The following RNF150 variants were observed in gnomAD, a reference collection of about 807,000 sequenced individuals.
The protein encoded by RNF150 is ring finger protein 150.
Under a neutral mutation model 39.3 loss-of-function variants are expected in RNF150, and 24 were observed. That is an observed-to-expected ratio of 0.61 (90% CI 0.44 to 0.86). The LOEUF (loss-of-function observed/expected upper bound fraction) is 0.86, where lower values mean the gene tolerates loss of function less well. Among genes scored for constraint, RNF150 ranks in the 40% least tolerant of loss-of-function variants. The pLI is 0.00. For synonymous variants in RNF150, 255 were observed against 227.3 expected (o/e 1.12, Z -1.10); for missense variants, 502 against 587.8 (o/e 0.85, Z 1.51).
intron 5 of RNF150, among the ~76,000 whole-genome samples, chr4:140,913,463 C>A (rs190862708): frequency 6.6e-5 from 10 of 152,256 alleles, no homozygotes; most frequent in African/African-American, 2.2e-4. Flanking sequence ...TATATTGTCC[C>A]TGTGCTCAGG....
chr4:140,989,873 A>G (rs868553283), intron 1 of RNF150, among the ~76,000 whole-genome samples: 1 of 152,208 alleles, frequency 6.6e-6, no homozygotes, highest in African/African-American at 2.4e-5. Flanking sequence ...CACAGCAGTT[A>G]CTGAACAGAT....
chr4:141,210,354 T>C (rs1728442268), intron 1 of RNF150, among the ~76,000 whole-genome samples: 1 of 152,204 alleles, frequency 6.6e-6, no homozygotes, highest in African/African-American at 2.4e-5. Context: ...CCTGAACCAC[T>C]GATTAAGCTC....
chr4:141,079,732 T>C (rs769929377), intron 1 of RNF150, among the ~76,000 whole-genome samples: 40 of 152,152 alleles, frequency 2.6e-4, no homozygotes, highest in Non-Finnish European at 4.9e-4. Context: ...ATCTGAAAAA[T>C]GGGGCTAGTA....
chr4:141,056,212 A>G (rs1736964418), intron 1 of RNF150, among the ~76,000 whole-genome samples: 1 of 152,094 alleles, frequency 6.6e-6, no homozygotes, highest in Admixed American at 6.6e-5. Flanking sequence ...TGCATATTAC[A>G]TTTTCTATAA....
At chr4:141,174,147 T>C (rs1483573234) in intron 1 of RNF150, among the ~76,000 whole-genome samples, 3 of 152,358 alleles carry the variant, frequency 2.0e-5, no homozygotes, top group African/African-American at 7.2e-5. Context: ...CATTTCCTGC[T>C]TTCCCTAACA....
At chr4:141,180,433 A>G (rs1727888103) in intron 1 of RNF150, among the ~76,000 whole-genome samples, 1 of 152,142 alleles carries the variant, frequency 6.6e-6, no homozygotes, top group Admixed American at 6.5e-5. Context: ...GAATAATAAT[A>G]AGTAATAGGT....
chr4:140,918,257 G>C (rs1321028605), intron 5 of RNF150, among the ~76,000 whole-genome samples: 1 of 152,086 alleles, frequency 6.6e-6, no homozygotes, highest in African/African-American at 2.4e-5. Context: ...CCAGGAGCTG[G>C]TTTCTTGAAA....
At chr4:140,982,009 A>G (rs1476847032) in intron 1 of RNF150, among the ~76,000 whole-genome samples, 1 of 152,138 alleles carries the variant, frequency 6.6e-6, no homozygotes, top group Non-Finnish European at 1.5e-5. Flanking sequence ...TCACCATGTT[A>G]TCTATAGGCA....
intron 1 of RNF150, among the ~76,000 whole-genome samples, chr4:141,209,067 T>C (rs1728420464): frequency 6.6e-6 from 1 of 152,032 alleles, no homozygotes; most frequent in Admixed American, 6.5e-5. Context: ...CTTACCTCAA[T>C]CCTCAAGGTT....
chr4:141,001,110 T>A (rs1734653072), intron 1 of RNF150, among the ~76,000 whole-genome samples: 1 of 152,202 alleles, frequency 6.6e-6, no homozygotes, highest in Non-Finnish European at 1.5e-5. Context: ...ATTTCCCATA[T>A]CTGTACTTGA....
At chr4:140,909,276 C>G (rs1730504665) in intron 6 of RNF150, among the ~76,000 whole-genome samples, 1 of 152,124 alleles carries the variant, frequency 6.6e-6, no homozygotes, top group African/African-American at 2.4e-5. Flanking sequence ...GATCTATGCA[C>G]TCCAATATGG....
chr4:141,114,567 G>A (rs564799744), intron 1 of RNF150, among the ~76,000 whole-genome samples: 7 of 152,182 alleles, frequency 4.6e-5, no homozygotes, highest in African/African-American at 1.4e-4. Context: ...CAAATTCACA[G>A]CCGAATTCTA....
At chr4:141,034,716 G>A (rs1048115986) in intron 1 of RNF150, among the ~76,000 whole-genome samples, 7 of 152,110 alleles carry the variant, frequency 4.6e-5, no homozygotes, top group African/African-American at 1.2e-4. Context: ...CAGGCAGGCC[G>A]AAGGAGAGGG....
intron 1 of RNF150, among the ~76,000 whole-genome samples, chr4:140,982,010 T>C (rs962141388): frequency 6.6e-6 from 1 of 152,188 alleles, no homozygotes; most frequent in Non-Finnish European, 1.5e-5. Context: ...CACCATGTTA[T>C]CTATAGGCAC....
intron 1 of RNF150, chr4:141,053,691 T>G: frequency 1.4e-6 from 2 of 1,408,636 alleles, no homozygotes; most frequent in African/African-American, 2.9e-5. Flanking sequence ...ATGGGCATGG[T>G]GAAATCAGCT....
intron 1 of RNF150, among the ~76,000 whole-genome samples, chr4:141,154,829 G>C (rs925875867): frequency 6.6e-6 from 1 of 152,176 alleles, no homozygotes; most frequent in African/African-American, 2.4e-5. Flanking sequence ...AACAACCTAT[G>C]TTTCAGATGC....
intron 1 of RNF150, among the ~76,000 whole-genome samples, chr4:141,056,100 G>A (rs1468109317): frequency 6.6e-6 from 1 of 152,122 alleles, no homozygotes; most frequent in African/African-American, 2.4e-5. Context: ...ATATTTTAAA[G>A]GCAGTTTATT....
intron 1 of RNF150, among the ~76,000 whole-genome samples, chr4:141,029,947 A>C (rs1012597691): frequency 2.6e-5 from 4 of 152,188 alleles, no homozygotes; most frequent in Admixed American, 2.6e-4. Context: ...CTGTAATCTC[A>C]GTACTTTGGG....
intron 1 of RNF150, among the ~76,000 whole-genome samples, chr4:141,086,069 C>CACACACA (rs1738354266): frequency 7.0e-6 from 1 of 143,784 alleles, no homozygotes; most frequent in African/African-American, 2.6e-5. Flanking sequence ...CACACACACA[C>CACACACA]CCTTCTAGGT....
Sources: gnomAD v4.1 joint callset for allele counts (sites outside exome capture counted in the v4.1 genomes callset) on GRCh38, gnomAD v4.1.1 for gene constraint, MANE v1.5 for transcripts, NCBI Gene and HGNC (gene_info 2026-07-23, HGNC 2026-07-21) for gene names.